The following RIPOR2 variants were observed in gnomAD, a reference collection of about 807,000 sequenced individuals.
RIPOR2 encodes RHO family interacting cell polarization regulator 2.
RIPOR2 carries 39 observed loss-of-function variants against 114.5 expected under a neutral mutation model. The observed-to-expected ratio is 0.34, with a 90% CI of 0.26 to 0.44. The LOEUF is 0.44. Ranked by LOEUF, RIPOR2 falls within the 20% of genes least tolerant of loss-of-function variation. The pLI, the probability that RIPOR2 is intolerant of heterozygous loss-of-function variation, is 1.00. For missense variants in RIPOR2, 1,007 were observed against 1,255.1 expected, an observed-to-expected ratio of 0.80 and a Z score of 2.99; for synonymous variants, 445 against 484.4, an observed-to-expected ratio of 0.92 and a Z score of 1.07.
intron 1 of RIPOR2, among the ~76,000 whole-genome samples, chr6:25,026,046 T>TG (rs1169270062): frequency 8.0e-6 from 1 of 125,050 alleles, no homozygotes; most frequent in East Asian, 2.0e-4. Context: ...AAGATTGTTG[T>TG]TTTTTTTTTT....
At chr6:24,901,363 C>A (rs1768419092) in intron 1 of RIPOR2, among the ~76,000 whole-genome samples, 1 of 151,222 alleles carries the variant, frequency 6.6e-6, no homozygotes, top group African/African-American at 2.4e-5. Flanking sequence ...TTTGTGACAA[C>A]CAAAGAACAA....
chr6:24,959,505 C>T (rs1042864941), intron 1 of RIPOR2, among the ~76,000 whole-genome samples: 2 of 152,196 alleles, frequency 1.3e-5, no homozygotes, highest in Non-Finnish European at 2.9e-5. Flanking sequence ...GGTGGCCTCA[C>T]TTCTGGTTAA....
chr6:24,891,554 T>C (rs896975329), intron 1 of RIPOR2, among the ~76,000 whole-genome samples: 2 of 151,634 alleles, frequency 1.3e-5, no homozygotes, highest in African/African-American at 4.8e-5. Flanking sequence ...TTAAGTACAA[T>C]ATAGCATAAA....
intron 1 of RIPOR2, among the ~76,000 whole-genome samples, chr6:24,974,985 G>A (rs1260455471): frequency 1.3e-5 from 2 of 152,222 alleles, no homozygotes; most frequent in Non-Finnish European, 2.9e-5. Context: ...GCCAGGAGCT[G>A]GGGTGAAAGG....
At chr6:25,033,026 A>C (rs115611211) in intron 1 of RIPOR2, among the ~76,000 whole-genome samples, 1,987 of 152,292 alleles carry the variant, frequency 0.013, 30 homozygotes, top group East Asian at 0.043. Flanking sequence ...GCAACAGAGC[A>C]AGATTCTGTC....
In RIPOR2 at chr6:24,890,649, A is replaced by ATT. The variant is rs113557258; in HGVS notation, c.62-14834_62-14833dup. ...ACACTTGGACCTTTGTACCCAATAG[A>ATT]TTTTTTTCTTTTTTTTTTTTTAAGA... On this transcript the variant is annotated intron_variant, in intron 1 of 21. Coordinates refer to ENST00000643898, the MANE Select transcript of RIPOR2 (RefSeq NM_001286445.3). Among the ~76,000 whole-genome samples, 348 of 150,136 alleles carry ATT rather than the reference A, an allele frequency of 2.3e-3. 2 individuals are homozygous for ATT. The highest frequency in any genetic ancestry group is 0.022 in the South Asian group (102 of 4,674).
chr6:24,910,766 C>T (rs1561765315), intron 1 of RIPOR2: 3 of 974,984 alleles, frequency 3.1e-6, no homozygotes, highest in African/African-American at 3.5e-5. Flanking sequence ...GACCTCACCG[C>T]GTTGTACGCA....
rs1762796360 is a variant in RIPOR2, at chr6:24,850,671, C to T, written c.811G>A (p.Val271Ile). The change falls in exon 10 of 22, where the codon GTA becomes ATA. Residue 271 changes from valine to isoleucine, a missense_variant. Val to Ile is a conservative substitution (Grantham distance 29). Transcript: ENST00000643898. ...QRWKLKGKIE[V>I]NGKQSWDGEE... is the part of the protein sequence containing the mutation. ...CCATCCCAGCTCTGCTTGCCATTTA[C>T]TTCTATTTTGCCTTTCAGTTTCCAC... 6.2e-7 allele frequency: 1 copy of T among 1,613,814 alleles called. No individual in the cohort carries two copies. The highest frequency in any genetic ancestry group is 1.3e-5 in the African/African-American group (1 of 74,892).
chr6:24,942,059 C>T (rs1216554639), intron 1 of RIPOR2, among the ~76,000 whole-genome samples: 1 of 152,160 alleles, frequency 6.6e-6, no homozygotes, highest in African/African-American at 2.4e-5. Context: ...ATATAACTTT[C>T]TCAACTTTTA....
chr6:24,848,485 G>C (rs1762538772), intron 11 of RIPOR2, among the ~76,000 whole-genome samples: 1 of 152,256 alleles, frequency 6.6e-6, no homozygotes, highest in Non-Finnish European at 1.5e-5. Flanking sequence ...ATGTTGAAAA[G>C]TCTATAAAAA....
chr6:24,943,540 A>T (rs1453891756), intron 1 of RIPOR2, among the ~76,000 whole-genome samples: 2 of 152,218 alleles, frequency 1.3e-5, no homozygotes, highest in Non-Finnish European at 2.9e-5. Context: ...AGAAACTGGG[A>T]AAATGGCCAG....
chr6:24,847,531 G>T, intron 12 of RIPOR2: 1 of 1,550,288 alleles, frequency 6.5e-7, no homozygotes, highest in Non-Finnish European at 8.7e-7. Flanking sequence ...ACCCGGGCAG[G>T]CCACACTCAC....
intron 1 of RIPOR2, among the ~76,000 whole-genome samples, chr6:24,955,679 A>G (rs1002369627): frequency 2.0e-5 from 3 of 146,756 alleles, no homozygotes; most frequent in African/African-American, 7.7e-5. Flanking sequence ...TACTCCGTCT[A>G]AGGTCCATGC....
chr6:24,960,773 A>C (rs1221549087), intron 1 of RIPOR2, among the ~76,000 whole-genome samples: 1 of 151,990 alleles, frequency 6.6e-6, no homozygotes, highest in Non-Finnish European at 1.5e-5. Context: ...CAAGTGATCC[A>C]CCTGCCTTGG....
intron 1 of RIPOR2, among the ~76,000 whole-genome samples, chr6:24,950,469 A>G (rs190427323): frequency 5.9e-5 from 9 of 152,322 alleles, no homozygotes; most frequent in African/African-American, 1.9e-4. Flanking sequence ...ATTAATGACA[A>G]TAAAGGCACA....
chr6:25,025,305 A>G (rs1483605657), intron 1 of RIPOR2, among the ~76,000 whole-genome samples: 1 of 152,216 alleles, frequency 6.6e-6, no homozygotes. Flanking sequence ...TCTTCCACAC[A>G]AATTCTAATA....
intron 1 of RIPOR2, among the ~76,000 whole-genome samples, chr6:24,969,274 G>A (rs938259022): frequency 2.0e-5 from 3 of 152,148 alleles, no homozygotes; most frequent in African/African-American, 7.2e-5. Flanking sequence ...GTGGTCCAAG[G>A]AACAGCAATA....
chr6:24,991,833 G>A (rs1195575667), intron 1 of RIPOR2, among the ~76,000 whole-genome samples: 2 of 152,092 alleles, frequency 1.3e-5, no homozygotes, highest in African/African-American at 2.4e-5. Flanking sequence ...TAGGTGAGTT[G>A]GTCCAACCTG....
intron 1 of RIPOR2, among the ~76,000 whole-genome samples, chr6:24,892,514 G>A (rs572362275): frequency 6.6e-6 from 1 of 152,248 alleles, no homozygotes; most frequent in South Asian, 2.1e-4. Context: ...CTATTGCCTG[G>A]CTTCTTTTGG....
Sources: allele counts gnomAD v4.1 joint callset (sites outside exome capture counted in the v4.1 genomes callset), GRCh38; gene constraint gnomAD v4.1.1; transcripts MANE v1.5; gene names NCBI Gene and HGNC (gene_info 2026-07-23, HGNC 2026-07-21).